Variants in ELK4 observed in about 807,000 individuals in gnomAD.
ELK4 encodes the protein ETS transcription factor ELK4, also known as ETS domain-containing protein Elk-4.
ELK4 carries 16 observed loss-of-function variants against 29.6 expected under a neutral mutation model. The observed-to-expected ratio is 0.54, with a 90% CI of 0.37 to 0.82. ELK4 has a LOEUF of 0.82. Among genes scored for constraint, ELK4 ranks in the 40% least tolerant of loss-of-function variants. The pLI is 0.00. For missense variants in ELK4, 465 were observed against 507.1 expected (o/e 0.92, Z 0.80); for synonymous variants, 213 against 191.1 (o/e 1.11, Z -0.95).
intron 1 of ELK4, among the ~76,000 whole-genome samples, chr1:205,627,496 G>A (rs926017447): frequency 2.5e-4 from 37 of 150,300 alleles, no homozygotes; most frequent in Non-Finnish European, 4.4e-4. Context: ...GTGACAGAGC[G>A]AGACTCCGCC....
At chr1:205,629,815 T>C (rs1454755718) in intron 1 of ELK4, among the ~76,000 whole-genome samples, 1 of 152,166 alleles carries the variant, frequency 6.6e-6, no homozygotes. Context: ...CCCAGCACTT[T>C]GGGAGGCCAA....
chr1:205,614,489 T>C lies in ELK4; in HGVS notation c.*2057A>G, dbSNP rs954632069. ...TTAATATGGAAAAAAAAGTCCAATA[T>C]GTCTGTTCCCCATCACTATTAAACA... is the stretch of plus-strand genomic sequence containing the variant. On this transcript the variant is annotated 3_prime_UTR_variant, in exon 5 of 5. Transcript: ENST00000357992. 4.4e-6 allele frequency: 1 copy of C among 228,434 alleles called. No individual in the cohort carries two copies. The highest frequency in any genetic ancestry group is 2.2e-5 in the African/African-American group (1 of 45,068). The allele number at this position is 228,434 out of a possible 1,614,324, so 14.2% of individuals were successfully genotyped here. A position where few individuals can be genotyped will look rare whatever the true frequency, so the allele number is the denominator to read the frequency against.
rs1382052163 is a variant in ELK4, at chr1:205,620,691, C to T, written c.355G>A (p.Asp119Asn). 6.2e-7 allele frequency: 1 copy of T among 1,614,174 alleles called. No homozygotes were observed. The highest frequency in any genetic ancestry group is 1.7e-5 in the Admixed American group (1 of 60,022). Residue 119 changes from aspartate (D) to asparagine (N), a missense_variant, in exon 3 of 5, where the codon GAT (aspartate) becomes AAT (asparagine). This residue lies in a region of ELK4 where 385 missense variants were observed against 387.5 expected (regional missense o/e 0.99). Coordinates refer to ENST00000357992, the MANE Select transcript of ELK4 (RefSeq NM_001973.4). ...TTATCTTTCCCTCCATTCTCCACATCTTTGGAACTGCTGCTGACTTCACTG... is the reference window on the plus strand; with the variant it reads ...TTATCTTTCCCTCCATTCTCCACATTTTTGGAACTGCTGCTGACTTCACTG... ...NFSEVSSSSK[D>N]VENGGKDKPP...
Position 205,609,602 on chromosome 1 carries a change from T to C in ELK4, c.*6944A>G, listed in dbSNP as rs1385194140. 9.9e-6 allele frequency: 2 copies of C among 201,562 alleles called. No homozygotes were observed. Among genetic ancestry groups the C allele is most frequent in the Non-Finnish European group, 2.0e-5 (2 of 97,906 alleles). 12.5% of individuals were successfully genotyped at this position (201,562 alleles called of 1,614,324 possible). On this transcript the variant is annotated 3_prime_UTR_variant, in exon 5 of 5. Transcript: ENST00000357992. ...CCACTTAAACAATAAATGTAAGCAA[T>C]GAATGTACATACAAAGGCCACTGGT...
chr1:205,624,161 G>A (rs368981365), intron 1 of ELK4, among the ~76,000 whole-genome samples: 3 of 152,160 alleles, frequency 2.0e-5, no homozygotes, highest in Non-Finnish European at 2.9e-5. Context: ...AGGATGCCAC[G>A]CTGCTTAAGA....
chr1:205,626,503 G>C (rs1000998473), intron 1 of ELK4, among the ~76,000 whole-genome samples: 2 of 152,044 alleles, frequency 1.3e-5, no homozygotes, highest in South Asian at 2.1e-4. Context: ...TACCTTTTTG[G>C]GGGGTAGTTG....
chr1:205,614,385 C>T lies in ELK4; in HGVS notation c.*2161G>A, dbSNP rs1288100376. 1 of 226,558 alleles carries T rather than the reference C, an allele frequency of 4.4e-6. No homozygotes were observed. The highest frequency in any genetic ancestry group is 2.2e-5 in the African/African-American group (1 of 44,958). 14.0% of individuals were successfully genotyped at this position (226,558 alleles called of 1,614,324 possible). A position where few individuals can be genotyped will look rare whatever the true frequency, so the allele number is the denominator to read the frequency against. On this transcript the variant is annotated 3_prime_UTR_variant, in exon 5 of 5. Coordinates refer to ENST00000357992, the MANE Select transcript of ELK4 (RefSeq NM_001973.4). ...CATCTATATCTACTTATTTAATGTA[C>T]AAAATGTTAACCTAATTAAAACTAT...
intron 3 of ELK4, 197 bp downstream of exon 3, chr1:205,619,769 A>G: frequency 1.3e-6 from 2 of 1,509,924 alleles, no homozygotes; most frequent in East Asian, 2.3e-5. Context: ...ATTTTTTAAG[A>G]AAATACTCCA....
chr1:205,623,755 C>G lies in ELK4; in HGVS notation c.128G>C (p.Arg43Pro). The change falls in exon 2 of 5, where the codon CGT (arginine) becomes CCT (proline). Residue 43 changes from arginine (R) to proline (P), a missense_variant. Physicochemically the swap from Arg to Pro is moderately radical, Grantham distance 103 (BLOSUM62 -2). Transcript: ENST00000357992. ...CTTGTTCTTGCGAATCCCCCAGAGA[C>G]GAGCCACCTCTTCTGCCTGCAAAAG... ...FKLLQAEEVA[R>P]LWGIRKNKPN... The G allele has an allele frequency of 1.9e-6, 3 of 1,614,166 alleles. No individual in the cohort carries two copies. Among genetic ancestry groups the G allele is most frequent in the Non-Finnish European group, 2.5e-6 (3 of 1,180,044 alleles).
intron 1 of ELK4, among the ~76,000 whole-genome samples, chr1:205,627,874 C>T (rs1360440439): frequency 6.6e-6 from 1 of 152,070 alleles, no homozygotes; most frequent in African/African-American, 2.4e-5. Flanking sequence ...GAGACAGTCA[C>T]CTAAAAGTAA....
rs1317282429 is a variant in ELK4 at position 205,631,620 on chromosome 1, C to A, written c.-10+12G>T. 3.3e-6 allele frequency: 1 copy of A among 307,662 alleles called. No individual in the cohort carries two copies. Among genetic ancestry groups the A allele is most frequent in the Admixed American group, 3.4e-5 (1 of 29,108 alleles). 19.1% of individuals were successfully genotyped at this position (307,662 alleles called of 1,614,324 possible). A position where few individuals can be genotyped will look rare whatever the true frequency, so the allele number is the denominator to read the frequency against. On this transcript the variant is annotated intron_variant, in intron 1 of 4. Coordinates refer to ENST00000357992, the MANE Select transcript of ELK4 (RefSeq NM_001973.4). ...CGAGATCCCGAGGGGGCGCGCGGGG[C>A]TGACCGCTCACCGACGCCGCGCGCG...
chr1:205,611,744 G>A lies in ELK4; in HGVS notation c.*4802C>T, dbSNP rs1393877391. On this transcript the variant is annotated 3_prime_UTR_variant, in exon 5 of 5. Transcript: ENST00000357992. ...GTTTGGTAATTCATTTAGAGCCCCA[G>A]ATTTCTGCACAGAGACCTGCATTGG... 5.2e-6 allele frequency: 1 copy of A among 193,586 alleles called. No homozygotes were observed. Among genetic ancestry groups the A allele is most frequent in the Non-Finnish European group, 1.1e-5 (1 of 92,818 alleles). The allele number at this position is 193,586 out of a possible 1,614,324, so 12.0% of individuals were successfully genotyped here.
Position 205,617,896 on chromosome 1 carries a change from C to A in ELK4, c.1197+1061G>T, listed in dbSNP as rs139485123. On this transcript the variant is annotated intron_variant, in intron 4 of 4. Coordinates refer to ENST00000357992, the MANE Select transcript of ELK4 (RefSeq NM_001973.4). The stretch of plus-strand genomic sequence containing the variant: ...GGCCTGGACAACAAGAGCAAAACTC[C>A]GCCTCAAAAAAAAATTTTTTTTAAT... 6.5e-3 allele frequency among the ~76,000 whole-genome samples: 991 copies of A among 151,644 alleles called. 36 individuals carry two copies. Among genetic ancestry groups the A allele is most frequent in the Admixed American group, 0.045 (684 of 15,248 alleles).
intron 1 of ELK4, among the ~76,000 whole-genome samples, chr1:205,630,841 T>C (rs1201843543): frequency 6.6e-6 from 1 of 151,308 alleles, no homozygotes; most frequent in African/African-American, 2.4e-5. Context: ...AGCCAGGGGG[T>C]GTAGGGGGTG....
At chr1:205,619,599 T>TGGTTCTCAGGACCTAC in intron 3 of ELK4, 1 of 1,235,958 alleles carries the variant, frequency 8.1e-7, no homozygotes, top group South Asian at 3.0e-5. Flanking sequence ...ATTTTTCTTA[T>TGGTTCTCAGGACCTAC]GGTTCTCAGG....
Position 205,619,916 on chromosome 1 carries a change from G to T in ELK4, c.1080+50C>A, listed in dbSNP as rs963124845. On this transcript the variant is annotated intron_variant, in intron 3 of 4. Coordinates refer to ENST00000357992, the MANE Select transcript of ELK4 (RefSeq NM_001973.4). ...GTATAAATTCTGGATTTGCTTAAAA[G>T]GGCAAATAAATGAAAGCAATGGTGA... 4.3e-6 allele frequency: 7 copies of T among 1,614,024 alleles called. No homozygotes were observed. The African/African-American group carries it at 8.0e-5, about 18-fold the overall frequency.
In ELK4 at chr1:205,623,625, C is replaced by G. The variant is rs528953735; in HGVS notation, c.207+51G>C. 7.5e-6 allele frequency: 12 copies of G among 1,596,968 alleles called. No homozygotes were observed. The African/African-American group carries it at 1.5e-4, about 20-fold the overall frequency. On this transcript the variant is annotated intron_variant, in intron 2 of 4. Transcript: ENST00000357992. ...CCACTGTGCCCAGCCAAGAAGGAAT[C>G]GTTCTTGTCTGGAGGTTCTCTGTAT... is the stretch of plus-strand genomic sequence containing the variant.
At chr1:205,622,212 TCAAA>T (rs764335184) in intron 2 of ELK4, among the ~76,000 whole-genome samples, 7 of 152,164 alleles carry the variant, frequency 4.6e-5, no homozygotes, top group Non-Finnish European at 7.4e-5. Flanking sequence ...AGACTCCGTC[TCAAA>T]CAAACAAACA....
rs373892559 is a variant in ELK4, at chr1:205,613,866, T to C, written c.*2680A>G. 9.3e-6 allele frequency: 2 copies of C among 215,974 alleles called. No individual in the cohort carries two copies. The highest frequency in any genetic ancestry group is 1.9e-4 in the South Asian group (1 of 5,374). The allele number at this position is 215,974 out of a possible 1,614,324, so 13.4% of individuals were successfully genotyped here. On this transcript the variant is annotated 3_prime_UTR_variant, in exon 5 of 5. Coordinates refer to ENST00000357992, the MANE Select transcript of ELK4 (RefSeq NM_001973.4). Reference sequence around the variant, plus strand: ...AAAGTGACTAGGGATGGATACGAGCTACAGCTACCAATTACAAGTCTCTCC... The same window carrying C: ...AAAGTGACTAGGGATGGATACGAGCCACAGCTACCAATTACAAGTCTCTCC...
Sources: gnomAD v4.1 joint callset for allele counts (sites outside exome capture counted in the v4.1 genomes callset) on GRCh38, gnomAD v4.1.1 for gene constraint, gnomAD v4.1.1 regional missense constraint, MANE v1.5 for transcripts, NCBI Gene and HGNC (gene_info 2026-07-23, HGNC 2026-07-21) for gene names.